The following CDKN2C variants were observed in gnomAD, a reference collection of about 807,000 sequenced individuals.
CDKN2C encodes cyclin-dependent kinase 4 inhibitor C.
In CDKN2C, 5 loss-of-function variants were observed where a neutral mutation model predicts 11.0. The observed-to-expected ratio is 0.45, with a 90% CI of 0.24 to 0.95. The LOEUF (loss-of-function observed/expected upper bound fraction) is 0.95. Among genes scored for constraint, CDKN2C ranks in the 40% least tolerant of loss-of-function variants. The pLI is 0.21. For synonymous variants in CDKN2C, 79 were observed against 88.3 expected, an observed-to-expected ratio of 0.89 and a Z score of 0.59; for missense variants, 161 against 211.9, an observed-to-expected ratio of 0.76 and a Z score of 1.49.
At chr1:50,968,049 A>G (rs1458494392), upstream of CDKN2C, 1 of 152,238 alleles carries the variant, frequency 6.6e-6, no homozygotes, top group Admixed American at 6.5e-5. Context: ...GCTTTTTGTG[A>G]GCACTGTGCT....
intron 1 of CDKN2C, 101 bp downstream of exon 1, chr1:50,970,598 C>T (rs1295135648): frequency 4.9e-5 from 69 of 1,398,576 alleles, no homozygotes; most frequent in Non-Finnish European, 6.9e-5. Flanking sequence ...CATAAAATTT[C>T]ACTGTTTTTA....
Position 50,974,170 on chromosome 1 carries a change from A to G in CDKN2C, c.407A>G (p.Lys136Arg). The G allele has an allele frequency of 1.9e-6, 3 of 1,613,916 alleles. No homozygotes were observed. Among genetic ancestry groups the G allele is most frequent in the Non-Finnish European group, 2.5e-6 (3 of 1,179,832 alleles). Reference sequence around the variant, plus strand: ...AGCAATGTGGGGCATCGGAACCATAAGGGGGACACCGCCTGTGATTTGGCC... The same window carrying G: ...AGCAATGTGGGGCATCGGAACCATAGGGGGGACACCGCCTGTGATTTGGCC... ...TASNVGHRNHKGDTACDLARL... is the reference protein window; with the variant it reads ...TASNVGHRNHRGDTACDLARL... The change falls in exon 2 of 2, where the codon AAG (lysine) becomes AGG (arginine). Residue 136 changes from lysine to arginine, a missense_variant. By Grantham distance (26) the Lys-to-Arg change is conservative (BLOSUM62 2). Transcript: ENST00000371761.
At chr1:50,968,502 T>G (rs982272111), upstream of CDKN2C, 6 of 152,244 alleles carry the variant, frequency 3.9e-5, no homozygotes, top group Non-Finnish European at 8.8e-5. Flanking sequence ...CCGCTCCAGC[T>G]GGGGACAGGC....
Position 50,974,108 on chromosome 1 carries a change from C to G in CDKN2C, c.345C>G (p.His115Gln), listed in dbSNP as rs2147958514. Residue 115 changes from histidine (H) to glutamine (Q), a missense_variant, in exon 2 of 2, where the codon CAC (histidine) becomes CAG (glutamine). Physicochemically the swap from His to Gln is conservative, Grantham distance 24 (BLOSUM62 0). Coordinates refer to ENST00000371761, the MANE Select transcript of CDKN2C (RefSeq NM_078626.3). ...TGCACTTGGCTGCCAAAGAAGGCCA[C>G]CTCCGGGTGGTGGAGTTCCTGGTGA... is the stretch of plus-strand genomic sequence containing the variant. Reference protein sequence around the residue: ...LPLHLAAKEGHLRVVEFLVKH... With the variant: ...LPLHLAAKEGQLRVVEFLVKH... 6.2e-7 allele frequency: 1 copy of G among 1,614,186 alleles called. No homozygotes were observed. The highest frequency in any genetic ancestry group is 8.5e-7 in the Non-Finnish European group (1 of 1,180,046).
In CDKN2C at chr1:50,974,465, G is replaced by T; in HGVS notation, c.*195G>T. ...AACATCTTTTTAACCTGCAAAATCT[G>T]TTCTAACATGTAATTGCAGATAACT... On this transcript the variant is annotated 3_prime_UTR_variant, in exon 2 of 2. Coordinates refer to ENST00000371761, the MANE Select transcript of CDKN2C (RefSeq NM_078626.3). The T allele has an allele frequency of 2.1e-6, 1 of 467,658 alleles. No individual in the cohort carries two copies. The highest frequency in any genetic ancestry group is 3.7e-6 in the Non-Finnish European group (1 of 272,770). 29.0% of individuals were successfully genotyped at this position (467,658 alleles called of 1,614,324 possible).
upstream of CDKN2C, among the ~76,000 whole-genome samples, chr1:50,966,094 T>A (rs1645346175): frequency 6.6e-6 from 1 of 151,886 alleles, no homozygotes; most frequent in South Asian, 2.1e-4. Context: ...TCTCTTTTTT[T>A]TTTTTTTTTT....
Position 50,970,305 on chromosome 1 carries a change from CAAAGG to C in CDKN2C, c.-58_-54del, listed in dbSNP as rs1645372951. On this transcript the variant is annotated 5_prime_UTR_variant, in exon 1 of 2. The change abolishes the stop of an existing upstream ORF in the 5' untranslated region. Coordinates refer to ENST00000371761, the MANE Select transcript of CDKN2C (RefSeq NM_078626.3). ...TGCCATCATGCAGCCTGGTTAGGAG[CAAAGG>C]AAAGGGGAAAAAGAAAAACGACTAA... 1 of 1,601,412 alleles carries C rather than the reference CAAAGG, an allele frequency of 6.2e-7. No homozygotes were observed. The highest frequency in any genetic ancestry group is 8.5e-7 in the Non-Finnish European group (1 of 1,174,164).
upstream of CDKN2C, among the ~76,000 whole-genome samples, chr1:50,967,732 G>A (rs535171400): frequency 1.3e-5 from 2 of 152,156 alleles, no homozygotes; most frequent in African/African-American, 2.4e-5. Flanking sequence ...ACTGGAAATT[G>A]GTGTCGGATG....
chr1:50,974,302 C>CT lies in CDKN2C; in HGVS notation c.*35dup, dbSNP rs760699607. The CT allele has an allele frequency of 2.4e-5, 37 of 1,520,896 alleles. No individual in the cohort carries two copies. The highest frequency in any genetic ancestry group is 2.2e-4 in the Admixed American group (10 of 44,980). 94.2% of individuals were successfully genotyped at this position (1,520,896 alleles called of 1,614,324 possible). ...GGAGGGCTCCCCCACGTTGCCTCTACTTTATCAATTAACTGAGTAGCTCTC... is the reference window on the plus strand; with the variant it reads ...GGAGGGCTCCCCCACGTTGCCTCTACTTTTATCAATTAACTGAGTAGCTCTC... On this transcript the variant is annotated 3_prime_UTR_variant, in exon 2 of 2. Transcript: ENST00000371761.
At position 50,970,286 on chromosome 1, in the gene CDKN2C, C is replaced by A. The variant is rs1325794729; in HGVS notation, c.-83C>A. On this transcript the variant is annotated 5_prime_UTR_variant, in exon 1 of 2. It introduces an in-frame stop codon into an upstream open reading frame of the 5' UTR. Transcript: ENST00000371761. ...TCCTTCTGTCAGTCTCCGATGCCAT[C>A]ATGCAGCCTGGTTAGGAGCAAAGGA... 1.9e-6 allele frequency: 3 copies of A among 1,550,160 alleles called. No homozygotes were observed. The highest frequency in any genetic ancestry group is 2.6e-6 in the Non-Finnish European group (3 of 1,133,410).
At chr1:50,961,632 A>C (rs545205889) in intron 1 of CDKN2C, among the ~76,000 whole-genome samples, 4 of 152,226 alleles carry the variant, frequency 2.6e-5, no homozygotes, top group Non-Finnish European at 5.9e-5. Flanking sequence ...TAGAGCTAAA[A>C]TAACTAGTGA....
At chr1:50,966,217 A>C (rs966372794), upstream of CDKN2C, among the ~76,000 whole-genome samples, 3 of 147,790 alleles carry the variant, frequency 2.0e-5, no homozygotes, top group Non-Finnish European at 4.5e-5. Flanking sequence ...TTTTTTTTGT[A>C]TTTTTAGTGG....
chr1:50,965,075 T>TAGATAGAC (rs1389642429), intron 1 of CDKN2C, among the ~76,000 whole-genome samples: 1 of 151,130 alleles, frequency 6.6e-6, no homozygotes, highest in East Asian at 2.0e-4. Flanking sequence ...GATAGATAGA[T>TAGATAGAC]AGATAGATAG....
chr1:50,973,208 A>T (rs1032698504), intron 1 of CDKN2C, among the ~76,000 whole-genome samples: 1 of 152,210 alleles, frequency 6.6e-6, no homozygotes, highest in Non-Finnish European at 1.5e-5. Flanking sequence ...GATTCTAAAC[A>T]TTGAATACAC....
upstream of CDKN2C, chr1:50,969,345 G>T (rs1325727614): frequency 1.8e-5 from 2 of 112,380 alleles, no homozygotes; most frequent in Admixed American, 1.6e-4. This position sits in a 1 kb window ranked among gnomAD's most constrained non-coding sequence, Gnocchi z 6.6. Flanking sequence ...GAAGTTCCCG[G>T]GGGGGCTGCC....
At chr1:50,967,387 T>C (rs1404906636), upstream of CDKN2C, among the ~76,000 whole-genome samples, 1 of 152,256 alleles carries the variant, frequency 6.6e-6, no homozygotes, top group Non-Finnish European at 1.5e-5. Flanking sequence ...AAAAGAACTC[T>C]AGTTTTTTTC....
intron 1 of CDKN2C, among the ~76,000 whole-genome samples, chr1:50,972,516 A>G (rs1219012579): frequency 1.3e-5 from 2 of 152,108 alleles, no homozygotes; most frequent in Admixed American, 1.3e-4. Flanking sequence ...ATTTAATTTC[A>G]TAAACATTGA....
rs1030318517 is a variant in CDKN2C at position 50,974,201 on chromosome 1, C to T, written c.438C>T (p.Leu146=). Residue 146 remains leucine, a synonymous_variant, in exon 2 of 2, where the codon CTC becomes CTT. Transcript: ENST00000371761. The part of the protein sequence containing the change: ...KGDTACDLAR[L]YGRNEVVSLM... Reference sequence around the variant, plus strand: ...ACACCGCCTGTGATTTGGCCAGGCTCTATGGGAGGAATGAGGTTGTTAGCC... The same window carrying T: ...ACACCGCCTGTGATTTGGCCAGGCTTTATGGGAGGAATGAGGTTGTTAGCC... The T allele has an allele frequency of 1.9e-6, 3 of 1,609,052 alleles. No homozygotes were observed. The highest frequency in any genetic ancestry group is 2.6e-6 in the Non-Finnish European group (3 of 1,176,420).
rs41285700 is a variant in CDKN2C, at chr1:50,970,274, C to T, written c.-95C>T. ...TAACCATCCCAGTCCTTCTGTCAGTCTCCGATGCCATCATGCAGCCTGGTT... is the reference window on the plus strand; with the variant it reads ...TAACCATCCCAGTCCTTCTGTCAGTTTCCGATGCCATCATGCAGCCTGGTT... On this transcript the variant is annotated 5_prime_UTR_variant, in exon 1 of 2. Coordinates refer to ENST00000371761, the MANE Select transcript of CDKN2C (RefSeq NM_078626.3). 49,036 of 1,488,836 alleles carry T rather than the reference C, an allele frequency of 0.033. 1,019 individuals carry two copies. Among genetic ancestry groups the T allele is most frequent in the Non-Finnish European group, 0.039 (42,759 of 1,083,414 alleles). The allele number at this position is 1,488,836 out of a possible 1,614,324, so 92.2% of individuals were successfully genotyped here. A position where few individuals can be genotyped will look rare whatever the true frequency, so the allele number is the denominator to read the frequency against.
Sources: allele counts gnomAD v4.1 joint callset (sites outside exome capture counted in the v4.1 genomes callset), GRCh38; gene constraint gnomAD v4.1.1; non-coding constraint Gnocchi (gnomAD v3.1); transcripts MANE v1.5; gene names NCBI Gene and HGNC (gene_info 2026-07-23, HGNC 2026-07-21).